PLCE1: variants seen among roughly 807,000 people sequenced by gnomAD.
The protein encoded by PLCE1 is phospholipase C epsilon 1.
A neutral mutation model predicts 242.8 loss-of-function variants in PLCE1; 119 were observed. That is an observed-to-expected ratio of 0.49 (90% CI 0.42 to 0.57). The LOEUF (loss-of-function observed/expected upper bound fraction) is 0.57. PLCE1 is among the 20% of genes least tolerant of loss of function. The pLI is 0.00. For synonymous variants in PLCE1, 945 were observed against 1,017.4 expected (o/e 0.93, Z 1.35); for missense variants, 2,441 against 2,788.8 (o/e 0.88, Z 2.81).
intron 4 of PLCE1, among the ~76,000 whole-genome samples, chr10:94,216,579 G>A (rs2049537339): frequency 6.6e-6 from 1 of 152,120 alleles, no homozygotes; most frequent in Admixed American, 6.5e-5. Context: ...TGACTTTCTG[G>A]CCTCTGCCTG....
At chr10:94,086,806 A>G (rs918969474) in intron 2 of PLCE1, among the ~76,000 whole-genome samples, 23 of 152,230 alleles carry the variant, frequency 1.5e-4, no homozygotes, top group African/African-American at 5.3e-4. Context: ...TGTCCCCTTG[A>G]CCAGCTGTGT....
At chr10:94,271,207 C>A (rs183550052) in intron 18 of PLCE1, among the ~76,000 whole-genome samples, 2 of 151,808 alleles carry the variant, frequency 1.3e-5, no homozygotes, top group African/African-American at 4.8e-5. Flanking sequence ...ACTTCTGGTA[C>A]CACAAGTCAG....
chr10:94,056,696 T>G (rs957498706), intron 2 of PLCE1, among the ~76,000 whole-genome samples: 2 of 152,212 alleles, frequency 1.3e-5, no homozygotes, highest in African/African-American at 4.8e-5. Flanking sequence ...TTCAATGATT[T>G]AATTTACCAT....
chr10:94,113,363 A>G (rs1037669010), intron 2 of PLCE1, among the ~76,000 whole-genome samples: 4 of 152,150 alleles, frequency 2.6e-5, no homozygotes, highest in African/African-American at 9.7e-5. Flanking sequence ...ACTCAGTACT[A>G]TACACCCATT....
intron 4 of PLCE1, among the ~76,000 whole-genome samples, chr10:94,209,857 G>A (rs1245592082): frequency 1.3e-5 from 2 of 152,174 alleles, no homozygotes; most frequent in African/African-American, 4.8e-5. Flanking sequence ...GCTTAAGTAT[G>A]TAAAGGCACT....
chr10:94,086,821 C>T (rs1344750764), intron 2 of PLCE1, among the ~76,000 whole-genome samples: 1 of 152,164 alleles, frequency 6.6e-6, no homozygotes, highest in Non-Finnish European at 1.5e-5. Context: ...CTGTGTGGCC[C>T]TATGCAAATC....
chr10:94,215,975 A>G (rs190688744), intron 4 of PLCE1, among the ~76,000 whole-genome samples: 1 of 152,314 alleles, frequency 6.6e-6, no homozygotes, highest in African/African-American at 2.4e-5. Flanking sequence ...ACAGCATTCA[A>G]AAACCAATAC....
At chr10:94,288,168 G>A (rs556939846) in intron 22 of PLCE1, among the ~76,000 whole-genome samples, 11 of 152,150 alleles carry the variant, frequency 7.2e-5, no homozygotes, top group East Asian at 3.9e-4. Flanking sequence ...GGATTTTAGC[G>A]CACCTGTCAC....
chr10:94,002,816 G>A (rs1190040469), intron 1 of PLCE1, among the ~76,000 whole-genome samples: 2 of 152,260 alleles, frequency 1.3e-5, no homozygotes, highest in Middle Eastern at 3.4e-3. Flanking sequence ...ATAAAATTGG[G>A]ATCACATGAT....
intron 3 of PLCE1, among the ~76,000 whole-genome samples, chr10:94,159,070 T>A (rs1030213102): frequency 2.6e-5 from 4 of 152,098 alleles, no homozygotes; most frequent in Non-Finnish European, 4.4e-5. Context: ...TTGTTTTTTT[T>A]ATTAATGGAG....
At chr10:94,142,334 T>C (rs2046996983) in intron 3 of PLCE1, among the ~76,000 whole-genome samples, 1 of 125,112 alleles carries the variant, frequency 8.0e-6, no homozygotes, top group African/African-American at 3.0e-5. Context: ...GTAGGCAACA[T>C]GGCGTGATGC....
At chr10:94,254,504 C>T (rs753952208) in intron 10 of PLCE1, among the ~76,000 whole-genome samples, 197 bp downstream of exon 10, 1 of 152,116 alleles carries the variant, frequency 6.6e-6, no homozygotes, top group Admixed American at 6.6e-5. Flanking sequence ...AATTAACTTG[C>T]CATTACTGAC....
rs191976316 is a variant in PLCE1 at position 94,055,764 on chromosome 10, G to C, written c.1206+23512G>C. Among the ~76,000 whole-genome samples, 3 of 152,140 alleles carry C rather than the reference G, an allele frequency of 2.0e-5. 1 individual carries two copies. The highest frequency in any genetic ancestry group is 2.0e-4 in the Admixed American group (3 of 15,276). ...ATGGTAATGATACATACTTTACAGA[G>C]TTATTTATGGATCCCTTCTCAGGGC... On this transcript the variant is annotated intron_variant, in intron 2 of 32. Coordinates refer to ENST00000371380, the MANE Select transcript of PLCE1 (RefSeq NM_016341.4).
chr10:94,089,031 G>C, intron 2 of PLCE1: 5 of 1,566,616 alleles, frequency 3.2e-6, no homozygotes, highest in East Asian at 2.2e-5. Flanking sequence ...TCATCACCCT[G>C]CACGTTGCAG....
chr10:94,197,387 G>A (rs999385594), intron 4 of PLCE1, among the ~76,000 whole-genome samples: 3 of 152,138 alleles, frequency 2.0e-5, no homozygotes, highest in African/African-American at 7.2e-5. Context: ...TCAATGTTTA[G>A]CATTTTGAGG....
chr10:94,077,735 C>T (rs1489188273), intron 2 of PLCE1, among the ~76,000 whole-genome samples: 1 of 152,078 alleles, frequency 6.6e-6, no homozygotes, highest in Admixed American at 6.6e-5. Flanking sequence ...CCACTGCACT[C>T]CAGCCTGGGT....
chr10:94,255,914 A>ACACACT (rs1284531207), intron 11 of PLCE1, among the ~76,000 whole-genome samples: 37 of 67,322 alleles, frequency 5.5e-4, no homozygotes, highest in African/African-American at 1.4e-3. Flanking sequence ...ACACACACAC[A>ACACACT]CTCTCTCTCT....
intron 4 of PLCE1, among the ~76,000 whole-genome samples, chr10:94,204,355 A>T (rs1476290820): frequency 2.6e-5 from 4 of 152,132 alleles, no homozygotes; most frequent in Non-Finnish European, 4.4e-5. Context: ...ACCTTCTAGA[A>T]CTCTGGGAGG....
chr10:94,095,047 C>T (rs1590005028), intron 2 of PLCE1, among the ~76,000 whole-genome samples: 1 of 152,288 alleles, frequency 6.6e-6, no homozygotes, highest in African/African-American at 2.4e-5. Context: ...ACCATTTTGG[C>T]AACTGTTTAG....
Sources: gnomAD v4.1 joint callset for allele counts (sites outside exome capture counted in the v4.1 genomes callset) on GRCh38, gnomAD v4.1.1 for gene constraint, MANE v1.5 for transcripts, NCBI Gene and HGNC (gene_info 2026-07-23, HGNC 2026-07-21) for gene names.